The following CDK17 variants were observed in gnomAD, a reference collection of about 807,000 sequenced individuals.
The protein encoded by CDK17 is cyclin dependent kinase 17.
In CDK17, 24 loss-of-function variants were observed where a neutral mutation model predicts 77.6. The observed-to-expected ratio is 0.31, with a 90% CI of 0.22 to 0.44. CDK17 has a LOEUF of 0.44. Among genes scored for constraint, CDK17 ranks in the 20% least tolerant of loss-of-function variants. The pLI is 1.00. For missense variants in CDK17, 429 were observed against 622.5 expected, an observed-to-expected ratio of 0.69 and a Z score of 3.31; for synonymous variants, 203 against 210.4, an observed-to-expected ratio of 0.96 and a Z score of 0.30.
chr12:96,356,616 C>A (rs1303315538), intron 1 of CDK17, among the ~76,000 whole-genome samples: 2 of 152,172 alleles, frequency 1.3e-5, no homozygotes, highest in Non-Finnish European at 2.9e-5. Context: ...GAGATCAAGA[C>A]ATTATAGTTC....
Position 96,400,289 on chromosome 12 carries a change from G to T in CDK17, c.-333C>A. 2.6e-6 allele frequency: 1 copy of T among 391,098 alleles called. No individual in the cohort carries two copies. The highest frequency in any genetic ancestry group is 4.5e-6 in the Non-Finnish European group (1 of 221,140). 24.2% of individuals were successfully genotyped at this position (391,098 alleles called of 1,614,324 possible). A position where few individuals can be genotyped will look rare whatever the true frequency, so the allele number is the denominator to read the frequency against. On this transcript the variant is annotated 5_prime_UTR_variant, in exon 1 of 17. Transcript: ENST00000261211. The stretch of plus-strand genomic sequence containing the variant: ...CCTCGGAGCAGCCGGGCGCGAGCGC[G>T]GCGGGCGCCGACGGCGGGCTGAGAC...
intron 1 of CDK17, among the ~76,000 whole-genome samples, chr12:96,374,448 G>A (rs1019449417): frequency 1.3e-5 from 2 of 152,184 alleles, no homozygotes; most frequent in Admixed American, 1.3e-4. Context: ...GAGATACACA[G>A]TGAGTGCTTC....
chr12:96,327,677 A>G (rs1314106719), intron 2 of CDK17, among the ~76,000 whole-genome samples: 3 of 151,696 alleles, frequency 2.0e-5, no homozygotes, highest in Non-Finnish European at 4.4e-5. Context: ...CCTCCCCACC[A>G]TAGCTGGGAC....
intron 5 of CDK17, among the ~76,000 whole-genome samples, chr12:96,307,592 C>T (rs1474024068): frequency 1.3e-5 from 2 of 152,080 alleles, no homozygotes; most frequent in Admixed American, 6.6e-5. Context: ...ATGTCTTGGC[C>T]AGGCACAGTG....
chr12:96,283,967 C>T (rs756586120), intron 13 of CDK17, among the ~76,000 whole-genome samples: 2 of 152,192 alleles, frequency 1.3e-5, no homozygotes, highest in Non-Finnish European at 2.9e-5. Context: ...TATCACTTTT[C>T]GCAGTCTTTC....
intron 6 of CDK17, 43 bp downstream of exon 6, chr12:96,300,261 A>G (rs747441898): frequency 3.7e-6 from 5 of 1,334,900 alleles, no homozygotes; most frequent in Middle Eastern, 1.8e-4. Context: ...TGAATGACGA[A>G]TAAGAAAAAA....
intron 11 of CDK17, among the ~76,000 whole-genome samples, chr12:96,287,456 G>C (rs909928705): frequency 3.3e-5 from 5 of 152,126 alleles, no homozygotes; most frequent in Admixed American, 2.6e-4. Flanking sequence ...GTGTTATATA[G>C]AAAGTAAAAT....
intron 1 of CDK17, among the ~76,000 whole-genome samples, chr12:96,393,745 A>AACACAC (rs148372281): frequency 0.048 from 7,354 of 151,970 alleles, 229 homozygotes; most frequent in Non-Finnish European, 0.06. Flanking sequence ...AACAAACACA[A>AACACAC]ACACACACAC....
intron 1 of CDK17, among the ~76,000 whole-genome samples, chr12:96,360,701 C>T (rs111314041): frequency 2.0e-5 from 3 of 152,106 alleles, no homozygotes; most frequent in African/African-American, 7.2e-5. Flanking sequence ...GTGATAATGA[C>T]GTATACCCAG....
chr12:96,381,197 A>G (rs1224147515), intron 1 of CDK17, among the ~76,000 whole-genome samples: 1 of 152,202 alleles, frequency 6.6e-6, no homozygotes, highest in Non-Finnish European at 1.5e-5. Context: ...ATACAGTCCT[A>G]TGGTCTCCTT....
intron 5 of CDK17, among the ~76,000 whole-genome samples, chr12:96,305,796 A>G (rs1478615274): frequency 1.3e-5 from 2 of 152,008 alleles, no homozygotes; most frequent in African/African-American, 4.8e-5. Context: ...ATGGCTCACC[A>G]CAACCTCATC....
chr12:96,283,043 T>C (rs555333032), intron 14 of CDK17, among the ~76,000 whole-genome samples: 8 of 152,292 alleles, frequency 5.3e-5, no homozygotes, highest in African/African-American at 1.2e-4. Flanking sequence ...TCAACTCTGA[T>C]AGATGAATCA....
intron 1 of CDK17, among the ~76,000 whole-genome samples, chr12:96,394,904 T>C (rs1954143646): frequency 6.7e-6 from 1 of 149,402 alleles, no homozygotes. Context: ...CGAGACAGAG[T>C]CTTGCTCTGT....
At chr12:96,330,193 T>C (rs1261560613) in intron 2 of CDK17, among the ~76,000 whole-genome samples, 1 of 152,086 alleles carries the variant, frequency 6.6e-6, no homozygotes, top group Admixed American at 6.6e-5. Flanking sequence ...AAAAAATAAG[T>C]TCAAGGCTAT....
chr12:96,383,859 T>C (rs1475893959), intron 1 of CDK17, among the ~76,000 whole-genome samples: 2 of 152,184 alleles, frequency 1.3e-5, no homozygotes, highest in African/African-American at 4.8e-5. Flanking sequence ...TGGCAAAGAA[T>C]TTATGGCTAA....
intron 1 of CDK17, among the ~76,000 whole-genome samples, chr12:96,345,103 T>C (rs1953184024): frequency 6.6e-6 from 1 of 152,230 alleles, no homozygotes. Flanking sequence ...TCTGTGTTAG[T>C]TTGCTGAGCA....
intron 1 of CDK17, among the ~76,000 whole-genome samples, chr12:96,335,659 A>G (rs374063339): frequency 6.6e-6 from 1 of 152,206 alleles, no homozygotes; most frequent in Non-Finnish European, 1.5e-5. Flanking sequence ...TTTCCTTCAC[A>G]CTTTAACATC....
intron 1 of CDK17, among the ~76,000 whole-genome samples, chr12:96,395,615 T>G (rs577519632): frequency 6.6e-6 from 1 of 152,216 alleles, no homozygotes; most frequent in African/African-American, 2.4e-5. Flanking sequence ...ACAAAGTTTA[T>G]GTTATGGACT....
At chr12:96,385,178 G>A (rs1006759306) in intron 1 of CDK17, among the ~76,000 whole-genome samples, 1 of 152,078 alleles carries the variant, frequency 6.6e-6, no homozygotes, top group African/African-American at 2.4e-5. Flanking sequence ...CAGGCGTGGT[G>A]GTGGGCACCT....
Sources: gnomAD v4.1 joint callset for allele counts (sites outside exome capture counted in the v4.1 genomes callset) on GRCh38, gnomAD v4.1.1 for gene constraint, MANE v1.5 for transcripts, NCBI Gene and HGNC (gene_info 2026-07-23, HGNC 2026-07-21) for gene names.